Variants in CFAP61 observed in about 807,000 individuals in gnomAD.
CFAP61 encodes cilia and flagella associated protein 61.
In CFAP61, 107 loss-of-function variants were observed where a neutral mutation model predicts 135.6. The ratio of observed to expected loss-of-function variants is 0.79; its 90% CI spans 0.67 to 0.93. The LOEUF (loss-of-function observed/expected upper bound fraction) is 0.93, where lower values mean the gene tolerates loss of function less well. Among genes scored for constraint, CFAP61 ranks in the 40% least tolerant of loss-of-function variants. The pLI is 0.00. For missense variants in CFAP61, 1,507 were observed against 1,556.2 expected, an observed-to-expected ratio of 0.97 and a Z score of 0.53; for synonymous variants, 575 against 578.5, an observed-to-expected ratio of 0.99 and a Z score of 0.09.
rs1483070716 is a variant in CFAP61, at chr20:20,199,779, C to T, written c.1809C>T (p.Pro603=). 6.2e-7 allele frequency: 1 copy of T among 1,614,184 alleles called. No individual in the cohort carries two copies. The highest frequency in any genetic ancestry group is 1.3e-5 in the African/African-American group (1 of 75,058). ...PKSREGKFQN[P]YAHSLTSALH... is the part of the protein sequence containing the mutation. ...TTGCTGTCTTTCAGTTCCAGAACCC[C>T]TACGCCCACTCCCTGACATCTGCCC... Residue 603 remains proline, a synonymous_variant, in exon 17 of 27, where the codon CCC becomes CCT. Transcript: ENST00000245957.
intron 9 of CFAP61, among the ~76,000 whole-genome samples, chr20:20,147,918 G>T (rs1361310703): frequency 6.6e-6 from 1 of 152,062 alleles, no homozygotes; most frequent in Non-Finnish European, 1.5e-5. Flanking sequence ...ATATTATGTT[G>T]ATTTTTGCAT....
chr20:20,251,373 T>C (rs1306967597), intron 19 of CFAP61, among the ~76,000 whole-genome samples: 1 of 151,782 alleles, frequency 6.6e-6, no homozygotes, highest in Non-Finnish European at 1.5e-5. Context: ...CTCCCAGTTG[T>C]GGGCTGACCT....
chr20:20,089,483 A>G (rs1006581448), intron 6 of CFAP61, among the ~76,000 whole-genome samples: 1 of 152,010 alleles, frequency 6.6e-6, no homozygotes, highest in Non-Finnish European at 1.5e-5. Context: ...TGAAGATGGT[A>G]GCATAGTAAA....
chr20:20,195,152 G>A (rs148738303), intron 15 of CFAP61, among the ~76,000 whole-genome samples: 354 of 152,260 alleles, frequency 2.3e-3, no homozygotes, highest in Admixed American at 4.3e-3. Context: ...CCACTGGCCC[G>A]GTTACCCTGA....
intron 25 of CFAP61, among the ~76,000 whole-genome samples, chr20:20,315,823 G>A (rs1029604346): frequency 6.6e-5 from 10 of 152,130 alleles, no homozygotes; most frequent in South Asian, 4.1e-4. Context: ...GTTTTTCTCA[G>A]GTTTGTGAAA....
intron 26 of CFAP61, among the ~76,000 whole-genome samples, chr20:20,344,883 AT>A (rs1391486310): frequency 6.6e-6 from 1 of 152,208 alleles, no homozygotes; most frequent in East Asian, 1.9e-4. Flanking sequence ...TAAAAAAAAA[AT>A]GTGGTCTATA....
chr20:20,287,257 A>C (rs1476411200), intron 22 of CFAP61, among the ~76,000 whole-genome samples: 3 of 152,212 alleles, frequency 2.0e-5, no homozygotes. Flanking sequence ...TAGGTGAATA[A>C]AGACAGGACA....
chr20:20,355,742 T>A (rs1008441892), intron 26 of CFAP61, among the ~76,000 whole-genome samples: 1 of 94,274 alleles, frequency 1.1e-5, no homozygotes, highest in Non-Finnish European at 2.0e-5. Context: ...TGAGGGGAGG[T>A]AGTGACACTA....
At chr20:20,351,573 C>T (rs1270584820) in intron 26 of CFAP61, among the ~76,000 whole-genome samples, 4 of 31,858 alleles carry the variant, frequency 1.3e-4, no homozygotes, top group Non-Finnish European at 4.1e-4. Context: ...GACTCTGTCT[C>T]GAAAAAAAAA....
intron 25 of CFAP61, among the ~76,000 whole-genome samples, chr20:20,314,599 ATATGTATACAT>A (rs1219288925): frequency 6.8e-6 from 1 of 147,432 alleles, no homozygotes; most frequent in Non-Finnish European, 1.5e-5. Context: ...GGTTAGTTAC[ATATGTATACAT>A]GTGCCATGCT....
intron 8 of CFAP61, among the ~76,000 whole-genome samples, chr20:20,119,441 T>G (rs1464126830): frequency 6.6e-6 from 1 of 152,158 alleles, no homozygotes; most frequent in Non-Finnish European, 1.5e-5. Context: ...CTTTGTATTT[T>G]TGTGGTCTTA....
chr20:20,296,316 C>CTCCTTCCCTTCCTTCCTTCCTTCCT (rs1555959185), intron 24 of CFAP61, among the ~76,000 whole-genome samples: 1 of 36,118 alleles, frequency 2.8e-5, no homozygotes, highest in African/African-American at 1.4e-4. Flanking sequence ...CCTTCCTTCC[C>CTCCTTCCCTTCCTTCCTTCCTTCCT]TCCTTCCTTC....
intron 26 of CFAP61, among the ~76,000 whole-genome samples, chr20:20,352,463 A>C (rs1441162830): frequency 1.3e-5 from 2 of 152,248 alleles, no homozygotes; most frequent in African/African-American, 2.4e-5. Flanking sequence ...AAACCATATC[A>C]GCATGGTACT....
intron 2 of CFAP61, among the ~76,000 whole-genome samples, chr20:20,063,323 A>AATTAATGTTCATGCCTTGCTCATGAAC (rs1465220740): frequency 6.6e-6 from 1 of 152,224 alleles, no homozygotes; most frequent in African/African-American, 2.4e-5. Flanking sequence ...AGAGAAATGA[A>AATTAATGTTCATGCCTTGCTCATGAAC]ATTAATGTTC....
chr20:20,114,295 A>G (rs1568932873), intron 8 of CFAP61, among the ~76,000 whole-genome samples: 1 of 152,098 alleles, frequency 6.6e-6, no homozygotes, highest in African/African-American at 2.4e-5. Context: ...TTTTAAAATA[A>G]TCATTTTGGG....
Position 20,164,100 on chromosome 20 carries a change from T to G in CFAP61, c.1077T>G (p.His359Gln). ...CCACTGGATATGCACAGTATCACCA[T>G]GTCAGCAGTAGGAGCTTGGCATCGC... ...DISTGYAQYH[H>Q]VSSRSLASLV... Residue 359 changes from histidine (H) to glutamine (Q), a missense_variant, in exon 11 of 27, where the codon CAT becomes CAG. Coordinates refer to ENST00000245957, the MANE Select transcript of CFAP61 (RefSeq NM_015585.4). 1 of 1,614,072 alleles carries G rather than the reference T, an allele frequency of 6.2e-7. No individual in the cohort carries two copies. Among genetic ancestry groups the G allele is most frequent in the African/African-American group, 1.3e-5 (1 of 75,038 alleles).
At chr20:20,189,890 G>A (rs969375069) in intron 14 of CFAP61, among the ~76,000 whole-genome samples, 14 of 152,314 alleles carry the variant, frequency 9.2e-5, no homozygotes, top group Non-Finnish European at 1.3e-4. Flanking sequence ...CGCCTCCCGG[G>A]TTCAAGGGAT....
intron 10 of CFAP61, among the ~76,000 whole-genome samples, chr20:20,161,279 C>T (rs1268965245): frequency 6.6e-6 from 1 of 152,126 alleles, no homozygotes; most frequent in Non-Finnish European, 1.5e-5. Context: ...CTGCCCCCAC[C>T]ACTGCATCAA....
At chr20:20,076,551 A>G (rs1283319257) in intron 6 of CFAP61, among the ~76,000 whole-genome samples, 1 of 152,182 alleles carries the variant, frequency 6.6e-6, no homozygotes, top group Non-Finnish European at 1.5e-5. Context: ...TCACAAAACC[A>G]TGAGCAATGT....
Sources: gnomAD v4.1 joint callset for allele counts (sites outside exome capture counted in the v4.1 genomes callset) on GRCh38, gnomAD v4.1.1 for gene constraint, MANE v1.5 for transcripts, NCBI Gene and HGNC (gene_info 2026-07-23, HGNC 2026-07-21) for gene names.